MSI2: variants seen among roughly 807,000 people sequenced by gnomAD.
MSI2 encodes the protein RNA-binding protein Musashi homolog 2.
In MSI2, 17 loss-of-function variants were observed where a neutral mutation model predicts 45.6. The ratio of observed to expected loss-of-function variants is 0.37; its 90% CI spans 0.26 to 0.56. The LOEUF is 0.56. Among genes scored for constraint, MSI2 ranks in the 20% least tolerant of loss-of-function variants. MSI2 has a pLI of 0.77. For missense variants in MSI2, 293 were observed against 444.2 expected (o/e 0.66, Z 3.06); for synonymous variants, 156 against 158.2 (o/e 0.99, Z 0.11).
intron 5 of MSI2, among the ~76,000 whole-genome samples, chr17:57,300,047 C>T (rs1911303348): frequency 6.6e-6 from 1 of 152,224 alleles, no homozygotes; most frequent in Admixed American, 6.5e-5. Flanking sequence ...CATCTCTACA[C>T]AGCACCGTGG....
chr17:57,478,591 T>G (rs1173075068), intron 6 of MSI2, among the ~76,000 whole-genome samples: 1 of 152,172 alleles, frequency 6.6e-6, no homozygotes, highest in Non-Finnish European at 1.5e-5. Flanking sequence ...AGGCCAGCAC[T>G]GATGTCATTG....
At chr17:57,617,941 C>T (rs1461196573) in intron 9 of MSI2, among the ~76,000 whole-genome samples, 1 of 151,986 alleles carries the variant, frequency 6.6e-6, no homozygotes, top group Non-Finnish European at 1.5e-5. Flanking sequence ...CACTGCAGCA[C>T]GTGCCCGTAA....
chr17:57,443,181 A>G (rs2084831935), intron 6 of MSI2, among the ~76,000 whole-genome samples: 1 of 152,020 alleles, frequency 6.6e-6, no homozygotes, highest in South Asian at 2.1e-4. Context: ...GCTTCAGGTG[A>G]CTTTGTGGCT....
At chr17:57,422,444 A>C (rs2084412974) in intron 6 of MSI2, among the ~76,000 whole-genome samples, 1 of 152,162 alleles carries the variant, frequency 6.6e-6, no homozygotes, top group South Asian at 2.1e-4. Flanking sequence ...TGGGTGACAG[A>C]GTGAGACTCA....
At chr17:57,425,615 A>T (rs1024949817) in intron 6 of MSI2, among the ~76,000 whole-genome samples, 3 of 152,168 alleles carry the variant, frequency 2.0e-5, no homozygotes, top group Admixed American at 6.5e-5. Flanking sequence ...ATGCACTATG[A>T]TTGACTTACG....
At chr17:57,405,892 T>C (rs1318826227) in intron 6 of MSI2, among the ~76,000 whole-genome samples, 1 of 152,212 alleles carries the variant, frequency 6.6e-6, no homozygotes, top group African/African-American at 2.4e-5. Flanking sequence ...GGCAGATCTA[T>C]TATGTAGGTG....
intron 6 of MSI2, among the ~76,000 whole-genome samples, chr17:57,418,442 A>T (rs1282825378): frequency 6.6e-6 from 1 of 152,242 alleles, no homozygotes; most frequent in East Asian, 1.9e-4. Flanking sequence ...TGGAGTAAGT[A>T]GCTGCAAATA....
At chr17:57,693,507 G>C in the MSI2 span, among the ~76,000 whole-genome samples, 4 of 152,170 alleles carry the variant, frequency 2.6e-5, no homozygotes, top group Admixed American at 2.0e-4. Context: ...GGATCAGCTA[G>C]TTAAAAGTAT....
intron 7 of MSI2, among the ~76,000 whole-genome samples, chr17:57,588,535 T>C (rs967010669): frequency 2.0e-5 from 3 of 152,218 alleles, no homozygotes; most frequent in Non-Finnish European, 4.4e-5. Context: ...GCTTAGGAGA[T>C]ACTCTAGCTG....
chr17:57,417,779 C>T (rs1213548327), intron 6 of MSI2, among the ~76,000 whole-genome samples: 1 of 152,160 alleles, frequency 6.6e-6, no homozygotes, highest in Non-Finnish European at 1.5e-5. Flanking sequence ...GCACCTGGGA[C>T]AGAATGACAG....
the MSI2 span, among the ~76,000 whole-genome samples, chr17:57,697,143 G>GAC: frequency 0.082 from 4,463 of 54,108 alleles, 75 homozygotes; most frequent in Middle Eastern, 0.17. Context: ...TCGCCAGCAG[G>GAC]ACACACACAC....
intron 9 of MSI2, among the ~76,000 whole-genome samples, chr17:57,623,927 G>T (rs1179530982): frequency 2.0e-5 from 3 of 152,324 alleles, no homozygotes; most frequent in Non-Finnish European, 2.9e-5. Flanking sequence ...GATGTTCGGC[G>T]ATTGGGGGTG....
chr17:57,334,058 T>G (rs1385141717), intron 5 of MSI2, among the ~76,000 whole-genome samples: 1 of 152,172 alleles, frequency 6.6e-6, no homozygotes, highest in African/African-American at 2.4e-5. Flanking sequence ...TTCTGTCTCC[T>G]CCTGTCCTTC....
chr17:57,495,578 T>C (rs1319588488), intron 6 of MSI2, among the ~76,000 whole-genome samples: 1 of 147,970 alleles, frequency 6.8e-6, no homozygotes, highest in African/African-American at 2.5e-5. Flanking sequence ...CTTCTCTATA[T>C]CCCCTGAACA....
At chr17:57,607,894 C>T (rs576611585) in intron 8 of MSI2, among the ~76,000 whole-genome samples, 10 of 152,156 alleles carry the variant, frequency 6.6e-5, no homozygotes, top group South Asian at 2.1e-4. Context: ...TAAGCAACTC[C>T]GAGTAAGAGC....
chr17:57,395,677 G>T (rs1434893515), intron 5 of MSI2, among the ~76,000 whole-genome samples: 1 of 152,188 alleles, frequency 6.6e-6, no homozygotes, highest in African/African-American at 2.4e-5. Context: ...AGCCCTGCTC[G>T]TGGGTCTGGC....
In MSI2 at chr17:57,627,118, C is replaced by T; in HGVS notation, c.653-111C>T. The T allele has an allele frequency of 3.0e-6, 3 of 999,580 alleles. No homozygotes were observed. 61.9% of individuals were successfully genotyped at this position (999,580 alleles called of 1,614,324 possible). A position where few individuals can be genotyped will look rare whatever the true frequency, so the allele number is the denominator to read the frequency against. On this transcript the variant is annotated intron_variant, in intron 9 of 13. Coordinates refer to ENST00000284073, the MANE Select transcript of MSI2 (RefSeq NM_138962.4). This position sits in a 1 kb window ranked among gnomAD's most constrained non-coding sequence, Gnocchi z 4.6. ...AAACCCTCATGAGAGACAAATTATT[C>T]TGTGAAGGAAAATAACTCAGGCTTT...
chr17:57,486,172 G>A (rs277064), intron 6 of MSI2, among the ~76,000 whole-genome samples: 152,096 of 152,356 alleles, frequency 1, 75,918 homozygotes, highest in Middle Eastern at 1. Flanking sequence ...CTGGTTGGTG[G>A]AGGAGGAACA....
Position 57,330,972 on chromosome 17 carries a change from A to G in MSI2, c.312+68780A>G, listed in dbSNP as rs567151758. Among the ~76,000 whole-genome samples, 3 of 149,204 alleles carry G rather than the reference A, an allele frequency of 2.0e-5. No individual in the cohort carries two copies. The South Asian group carries it at 6.3e-4, about 31-fold the overall frequency. The stretch of plus-strand genomic sequence containing the variant: ...CCCCAGGCTGGAGTGCAGTGGCGCC[A>G]TCTTGGTTCACTGCAACCTCCACCT... On this transcript the variant is annotated intron_variant, in intron 5 of 13. Coordinates refer to ENST00000284073, the MANE Select transcript of MSI2 (RefSeq NM_138962.4).
Sources: allele counts gnomAD v4.1 joint callset (sites outside exome capture counted in the v4.1 genomes callset), GRCh38; gene constraint gnomAD v4.1.1; non-coding constraint Gnocchi (gnomAD v3.1); transcripts MANE v1.5; gene names NCBI Gene and HGNC (gene_info 2026-07-23, HGNC 2026-07-21).